Variants in POR observed in about 807,000 individuals in gnomAD.
The protein encoded by POR is cytochrome p450 oxidoreductase.
In POR, 56 loss-of-function variants were observed where a neutral mutation model predicts 84.0. That is an observed-to-expected ratio of 0.67 (90% CI 0.54 to 0.83). POR has a LOEUF of 0.83. POR is among the 40% of genes least tolerant of loss of function. The pLI is 0.00. For missense variants in POR, 938 were observed against 944.3 expected (o/e 0.99, Z 0.09); for synonymous variants, 414 against 400.5 (o/e 1.03, Z -0.40).
At position 75,985,586 on chromosome 7, in the gene POR, C is replaced by T. The variant is rs1789390823; in HGVS notation, c.1406C>T (p.Pro469Leu). Residue 469 changes from proline (P) to leucine (L), a missense_variant, in exon 13 of 16, where the codon CCC (proline) becomes CTC (leucine). Physicochemically the swap from Pro to Leu is moderately conservative, Grantham distance 98 (BLOSUM62 -3). Transcript: ENST00000461988. Reference sequence around the variant, plus strand: ...ACACGGCCCTCCCCACAGGTCCACCCCAACTCTGTGCACATCTGTGCGGTG... The same window carrying T: ...ACACGGCCCTCCCCACAGGTCCACCTCAACTCTGTGCACATCTGTGCGGTG... 1 of 1,551,384 alleles carries T rather than the reference C, an allele frequency of 6.4e-7. No individual in the cohort carries two copies. The highest frequency in any genetic ancestry group is 8.7e-7 in the Non-Finnish European group (1 of 1,144,038).
At chr7:75,942,986 CT>C (rs1787004281) in intron 1 of POR, among the ~76,000 whole-genome samples, 1 of 149,096 alleles carries the variant, frequency 6.7e-6, no homozygotes. Context: ...GAGTCTTGCT[CT>C]GTCACCCAGG....
intron 3 of POR, among the ~76,000 whole-genome samples, chr7:75,977,705 G>A (rs1554557039): frequency 1.3e-5 from 2 of 152,202 alleles, no homozygotes; most frequent in South Asian, 4.1e-4. Context: ...TTGAACCCAG[G>A]AGGCAGAGGT....
rs933264724 is a variant in POR, at chr7:75,985,764, C to T, written c.1584C>T (p.Thr528=). Residue 528 remains threonine, a synonymous_variant, in exon 13 of 16, where the codon ACC becomes ACT. Transcript: ENST00000461988. ...AGTTCCGCCTGCCCTTCAAGGCCACCACGCCTGTCATCATGGTGGGCCCCG... is the reference window on the plus strand; with the variant it reads ...AGTTCCGCCTGCCCTTCAAGGCCACTACGCCTGTCATCATGGTGGGCCCCG... The T allele has an allele frequency of 1.9e-6, 3 of 1,579,196 alleles. No homozygotes were observed. Among genetic ancestry groups the T allele is most frequent in the African/African-American group, 2.7e-5 (2 of 74,212 alleles).
At chr7:75,965,405 G>A (rs772259714) in intron 2 of POR, among the ~76,000 whole-genome samples, 7 of 152,194 alleles carry the variant, frequency 4.6e-5, no homozygotes, top group Non-Finnish European at 8.8e-5. Context: ...CCTGGTCAAG[G>A]CTGACGTTAG....
chr7:75,947,838 AGGTGCAAGCTGGAGAGT>A (rs1554552312), intron 1 of POR, among the ~76,000 whole-genome samples: 4 of 151,900 alleles, frequency 2.6e-5, no homozygotes, highest in African/African-American at 9.7e-5. Context: ...AGGACCGCAG[AGGTGCAAGCTGGAGAGT>A]GGCTCAGGGT....
chr7:75,955,643 G>A (rs1212864658), intron 2 of POR, among the ~76,000 whole-genome samples: 1 of 152,214 alleles, frequency 6.6e-6, no homozygotes, highest in Non-Finnish European at 1.5e-5. Flanking sequence ...AGGATTGGGA[G>A]CCATTCTCAG....
chr7:75,978,176 A>G (rs1198958599), intron 3 of POR, among the ~76,000 whole-genome samples: 2 of 152,238 alleles, frequency 1.3e-5, no homozygotes, highest in African/African-American at 4.8e-5. Context: ...GGGTATAGAA[A>G]GAAAATACAT....
At chr7:75,947,590 C>T (rs1437597186) in intron 1 of POR, among the ~76,000 whole-genome samples, 5 of 152,132 alleles carry the variant, frequency 3.3e-5, no homozygotes, top group African/African-American at 4.8e-5. Flanking sequence ...CCACCACGGC[C>T]GGCCCCAATG....
intron 1 of POR, among the ~76,000 whole-genome samples, chr7:75,917,102 C>A (rs550468966): frequency 4.8e-4 from 73 of 151,804 alleles, no homozygotes; most frequent in African/African-American, 1.7e-3. Context: ...AGGTCTCACT[C>A]TGTCGTGCAG....
chr7:75,973,674 CTT>C (rs35274225), intron 3 of POR, among the ~76,000 whole-genome samples: 1 of 64,930 alleles, frequency 1.5e-5, no homozygotes, highest in Non-Finnish European at 2.5e-5. Flanking sequence ...CCAGACCTTG[CTT>C]TTTTTTTTTT....
At chr7:75,952,073 G>A (rs1440781764) in intron 1 of POR, among the ~76,000 whole-genome samples, 9 of 137,608 alleles carry the variant, frequency 6.5e-5, no homozygotes, top group Admixed American at 1.4e-4. Flanking sequence ...CGGATGGGGT[G>A]GCTGGCCGGG....
chr7:75,953,492 C>T lies in POR; in HGVS notation c.-4-497C>T, dbSNP rs1158194350. ...TCTTGCCAGTCAGGATAGTCCAAGG[C>T]TCGTGAATATCAGGAGCCACTCAAG... On this transcript the variant is annotated intron_variant, in intron 1 of 15. Transcript: ENST00000461988. Among the ~76,000 whole-genome samples, 6 of 152,096 alleles carry T rather than the reference C, an allele frequency of 3.9e-5. No individual in the cohort carries two copies. In the East Asian group the frequency reaches 1.2e-3, roughly 29 times the overall value.
chr7:75,963,208 C>T (rs1160507587), intron 2 of POR, among the ~76,000 whole-genome samples: 1 of 152,072 alleles, frequency 6.6e-6, no homozygotes, highest in Non-Finnish European at 1.5e-5. Context: ...TTGGCTCCAT[C>T]GAGCATGAAA....
chr7:75,948,130 C>A (rs1047078514), intron 1 of POR, among the ~76,000 whole-genome samples: 4 of 152,140 alleles, frequency 2.6e-5, no homozygotes, highest in Non-Finnish European at 5.9e-5. Flanking sequence ...GAGCACAGCC[C>A]GGTGGGAAGC....
intron 2 of POR, among the ~76,000 whole-genome samples, chr7:75,969,894 T>C (rs1554555887): frequency 6.6e-6 from 1 of 152,158 alleles, no homozygotes; most frequent in African/African-American, 2.4e-5. Flanking sequence ...GCCACAGGAA[T>C]GTGCAGAGTA....
intron 3 of POR, among the ~76,000 whole-genome samples, chr7:75,973,403 T>C (rs1480583254): frequency 1.3e-5 from 2 of 151,824 alleles, no homozygotes; most frequent in African/African-American, 4.8e-5. Context: ...AGCCTCAAAC[T>C]CCTAGACTCA....
chr7:75,973,331 A>G (rs1010033760), intron 3 of POR, among the ~76,000 whole-genome samples: 1 of 151,764 alleles, frequency 6.6e-6, no homozygotes, highest in African/African-American at 2.4e-5. Flanking sequence ...ATTTTATTTT[A>G]GAGACAGGGT....
intron 2 of POR, among the ~76,000 whole-genome samples, chr7:75,961,515 A>G (rs1287413836): frequency 6.6e-6 from 1 of 152,122 alleles, no homozygotes; most frequent in Non-Finnish European, 1.5e-5. Context: ...AAGAAAAATA[A>G]AGCTTCTTAT....
intron 1 of POR, among the ~76,000 whole-genome samples, chr7:75,934,149 G>A (rs1807559738): frequency 6.6e-6 from 1 of 150,526 alleles, no homozygotes. Flanking sequence ...GTGTGTGTGT[G>A]TGTGTGTGTG....
Sources: allele counts gnomAD v4.1 joint callset (sites outside exome capture counted in the v4.1 genomes callset), GRCh38; gene constraint gnomAD v4.1.1; transcripts MANE v1.5; gene names NCBI Gene and HGNC (gene_info 2026-07-23, HGNC 2026-07-21).